The following TBC1D5 variants were observed in gnomAD, a reference collection of about 807,000 sequenced individuals.
The protein encoded by TBC1D5 is TBC1 domain family, member 5.
Under a neutral mutation model 100.3 loss-of-function variants are expected in TBC1D5, and 75 were observed. That is an observed-to-expected ratio of 0.75 (90% CI 0.62 to 0.91). TBC1D5 has a LOEUF of 0.91. Among genes scored for constraint, TBC1D5 ranks in the 40% least tolerant of loss-of-function variants. TBC1D5 has a pLI of 0.00. For synonymous variants in TBC1D5, 323 were observed against 325.6 expected (o/e 0.99, Z 0.09); for missense variants, 910 against 942.4 (o/e 0.97, Z 0.45).
chr3:17,279,033 GCT>G (rs1279283465), intron 15 of TBC1D5, among the ~76,000 whole-genome samples: 1 of 152,112 alleles, frequency 6.6e-6, no homozygotes, highest in Non-Finnish European at 1.5e-5. Flanking sequence ...CTTTGAAAAA[GCT>G]CTTACTTTCA....
intron 3 of TBC1D5, among the ~76,000 whole-genome samples, chr3:17,506,136 A>G (rs2095842412): frequency 6.6e-6 from 1 of 152,222 alleles, no homozygotes; most frequent in Non-Finnish European, 1.5e-5. Flanking sequence ...AAGCTTCAAA[A>G]TACTTGAAGA....
chr3:17,280,603 G>A (rs1232487713), intron 15 of TBC1D5, among the ~76,000 whole-genome samples: 5 of 152,130 alleles, frequency 3.3e-5, no homozygotes, highest in African/African-American at 2.4e-5. Context: ...TGATGGTGTC[G>A]CTTTGGAAAG....
At chr3:17,663,980 T>C (rs964870256) in intron 1 of TBC1D5, among the ~76,000 whole-genome samples, 1 of 152,164 alleles carries the variant, frequency 6.6e-6, no homozygotes, top group Non-Finnish European at 1.5e-5. Context: ...AAGTAATCCA[T>C]TCTTACAACA....
chr3:17,314,616 T>C (rs1186218641), intron 13 of TBC1D5, among the ~76,000 whole-genome samples: 5 of 152,100 alleles, frequency 3.3e-5, no homozygotes, highest in Non-Finnish European at 7.4e-5. Flanking sequence ...GCTTGTTAGA[T>C]ATGCATCTTT....
chr3:17,220,712 C>T (rs2074179544), intron 17 of TBC1D5, among the ~76,000 whole-genome samples: 1 of 152,036 alleles, frequency 6.6e-6, no homozygotes, highest in South Asian at 2.1e-4. Flanking sequence ...TTTCTCCTTG[C>T]TCCTTGGAAC....
chr3:17,536,363 C>T (rs947527737), intron 2 of TBC1D5, among the ~76,000 whole-genome samples: 1 of 152,128 alleles, frequency 6.6e-6, no homozygotes, highest in African/African-American at 2.4e-5. Context: ...ATTAGAAGTA[C>T]ATTTAAAAAT....
At chr3:17,499,520 C>A (rs1276352291) in intron 3 of TBC1D5, among the ~76,000 whole-genome samples, 1 of 148,572 alleles carries the variant, frequency 6.7e-6, no homozygotes, top group Non-Finnish European at 1.5e-5. Flanking sequence ...ATGGAAAGAC[C>A]CTGTCTCTAC....
chr3:17,710,106 C>G (rs1161152559), intron 1 of TBC1D5, among the ~76,000 whole-genome samples: 2 of 151,890 alleles, frequency 1.3e-5, no homozygotes, highest in Admixed American at 1.3e-4. Context: ...ATGATCAAAG[C>G]AGTGTTTTAG....
chr3:17,487,821 A>G (rs575953824), intron 3 of TBC1D5, among the ~76,000 whole-genome samples: 1 of 152,132 alleles, frequency 6.6e-6, no homozygotes, highest in African/African-American at 2.4e-5. Flanking sequence ...TAATTAATAG[A>G]TTTTATTATT....
chr3:17,569,786 T>C (rs2153502662), intron 2 of TBC1D5, among the ~76,000 whole-genome samples: 1 of 151,406 alleles, frequency 6.6e-6, no homozygotes, highest in Admixed American at 6.6e-5. Flanking sequence ...TTTGTAAATA[T>C]ATAAATACAT....
At chr3:17,357,806 A>G (rs1341202540) in intron 13 of TBC1D5, among the ~76,000 whole-genome samples, 1 of 152,202 alleles carries the variant, frequency 6.6e-6, no homozygotes, top group Non-Finnish European at 1.5e-5. Flanking sequence ...TGAATAGGAG[A>G]CAAGATCAGA....
chr3:17,368,524 G>A (rs1356762089), intron 13 of TBC1D5, among the ~76,000 whole-genome samples: 1 of 151,780 alleles, frequency 6.6e-6, no homozygotes, highest in Non-Finnish European at 1.5e-5. Flanking sequence ...ACTCTACATG[G>A]GGCTTAATTT....
chr3:17,285,478 T>C (rs899230347), intron 15 of TBC1D5, among the ~76,000 whole-genome samples: 1 of 151,798 alleles, frequency 6.6e-6, no homozygotes. Flanking sequence ...GCCAGGATGG[T>C]CTCGATCTCC....
chr3:17,274,012 T>TA (rs34350746), intron 15 of TBC1D5, among the ~76,000 whole-genome samples: 20,914 of 139,396 alleles, frequency 0.15, 1,876 homozygotes, highest in Non-Finnish European at 0.2. Context: ...TGTATTTAAT[T>TA]AAAAAAAAAA....
chr3:17,403,201 A>C, exon 8 of TBC1D5: 2 of 1,590,774 alleles, frequency 1.3e-6, no homozygotes, highest in Non-Finnish European at 1.7e-6. Context: ...CATCTTGTTC[A>C]ATCATTGATC....
chr3:17,671,329 C>T (rs2067912238), intron 1 of TBC1D5, among the ~76,000 whole-genome samples: 2 of 152,136 alleles, frequency 1.3e-5, no homozygotes, highest in East Asian at 3.8e-4. Context: ...AAGTGCTTCT[C>T]TCGTAGATGA....
chr3:17,363,647 A>C (rs1283807020), intron 13 of TBC1D5, among the ~76,000 whole-genome samples: 1 of 151,436 alleles, frequency 6.6e-6, no homozygotes, highest in Non-Finnish European at 1.5e-5. Context: ...TCCTGGCCTC[A>C]AGATATCTTC....
At chr3:17,184,727 G>C (rs905874124) in intron 19 of TBC1D5, 1 of 152,980 alleles carries the variant, frequency 6.5e-6, no homozygotes, top group Middle Eastern at 3.1e-3. Context: ...TTTTGTGTTG[G>C]TAGAGACAGG....
At chr3:17,395,736 G>A (rs1575682908) in intron 8 of TBC1D5, among the ~76,000 whole-genome samples, 1 of 152,056 alleles carries the variant, frequency 6.6e-6, no homozygotes, top group East Asian at 1.9e-4. Flanking sequence ...CCTAAATTCC[G>A]AAGATTAGGA....
Sources: gnomAD v4.1 joint callset for allele counts (sites outside exome capture counted in the v4.1 genomes callset) on GRCh38, gnomAD v4.1.1 for gene constraint, MANE v1.5 for transcripts, NCBI Gene and HGNC (gene_info 2026-07-23, HGNC 2026-07-21) for gene names.